ZSCAN1: variants seen among roughly 807,000 people sequenced by gnomAD.
The protein encoded by ZSCAN1 is zinc finger and SCAN domain containing 1.
Under a neutral mutation model 23.8 loss-of-function variants are expected in ZSCAN1, and 23 were observed. That is an observed-to-expected ratio of 0.97 (90% CI 0.70 to 1.37). The LOEUF (loss-of-function observed/expected upper bound fraction) is 1.37. Ranked by LOEUF, ZSCAN1 falls within the 40% of genes most tolerant of loss-of-function variation. The pLI, the probability that ZSCAN1 is intolerant of heterozygous loss-of-function variation, is 0.00. For missense variants in ZSCAN1, 575 were observed against 554.0 expected, an observed-to-expected ratio of 1.04 and a Z score of -0.38; for synonymous variants, 236 against 232.3, an observed-to-expected ratio of 1.02 and a Z score of -0.15.
rs555291976 is a variant in ZSCAN1 at position 58,051,490 on chromosome 19, G to A, written c.466-1000G>A. On this transcript the variant is annotated intron_variant, in intron 4 of 5. Coordinates refer to ENST00000282326, the MANE Select transcript of ZSCAN1 (RefSeq NM_182572.4). ...CCCTCCCTCCCTCCCTCCCTCCTCC[G>A]TCTCTAGCCCAGCAATCCCTCTACT... Among the ~76,000 whole-genome samples the A allele has an allele frequency of 6.8e-4, 77 of 113,682 alleles. 1 individual carries two copies. The highest frequency in any genetic ancestry group is 8.7e-4 in the Non-Finnish European group (50 of 57,744). The allele number at this position is 113,682 out of a possible 152,430, so 74.6% of individuals were successfully genotyped here. A position where few individuals can be genotyped will look rare whatever the true frequency, so the allele number is the denominator to read the frequency against.
Position 58,053,912 on chromosome 19 carries a change from C to T in ZSCAN1, c.1088C>T (p.Pro363Leu), listed in dbSNP as rs1236230030. 4 of 1,613,084 alleles carry T rather than the reference C, an allele frequency of 2.5e-6. No homozygotes were observed. The highest frequency in any genetic ancestry group is 3.4e-6 in the Non-Finnish European group (4 of 1,179,396). Residue 363 changes from proline (P) to leucine (L), a missense_variant, in exon 6 of 6, where the codon CCC (proline) becomes CTC (leucine). By Grantham distance (98) the Pro-to-Leu change is moderately conservative. Transcript: ENST00000282326. The surrounding 1 kb of genome is among the most constrained non-coding windows in gnomAD (Gnocchi z 5.8). ...AAGGGCCCCCGGGAGTCCGTCCCACCCAGGGATGGAGCCCAGGGCCCAGTG... is the reference window on the plus strand; with the variant it reads ...AAGGGCCCCCGGGAGTCCGTCCCACTCAGGGATGGAGCCCAGGGCCCAGTG... ...RSKGPRESVP[P>L]RDGAQGPVAP...
In ZSCAN1 at chr19:58,045,625, TC is replaced by T; in HGVS notation, c.465+5083del. ...CTTCCAGCTCACGATGCGGCTGCGC[TC>T]CATAAAGGCAGAGGACAAGCTGTTT... On this transcript the variant is annotated intron_variant, in intron 4 of 5. Coordinates refer to ENST00000282326, the MANE Select transcript of ZSCAN1 (RefSeq NM_182572.4). This position sits in a 1 kb window ranked among gnomAD's most constrained non-coding sequence, Gnocchi z 4.3. The T allele has an allele frequency of 1.0e-6, 1 of 958,238 alleles. No individual in the cohort carries two copies. Among genetic ancestry groups the T allele is most frequent in the Non-Finnish European group, 1.7e-6 (1 of 582,006 alleles). 59.4% of individuals were successfully genotyped at this position (958,238 alleles called of 1,614,324 possible). A position where few individuals can be genotyped will look rare whatever the true frequency, so the allele number is the denominator to read the frequency against.
chr19:58,047,926 C>G lies in ZSCAN1; in HGVS notation c.466-4564C>G, dbSNP rs1214810452. Among the ~76,000 whole-genome samples the G allele has an allele frequency of 2.6e-5, 4 of 152,226 alleles. No individual in the cohort carries two copies. The highest frequency in any genetic ancestry group is 9.6e-5 in the African/African-American group (4 of 41,460). On this transcript the variant is annotated intron_variant, in intron 4 of 5. Coordinates refer to ENST00000282326, the MANE Select transcript of ZSCAN1 (RefSeq NM_182572.4). The surrounding 1 kb of genome is among the most constrained non-coding windows in gnomAD (Gnocchi z 4.9). ...AGTGTCCTGTGGCCACCTCCACCCT[C>G]CTGCCCAGCCGGCTGTGTCACACTC...
Position 58,045,854 on chromosome 19 carries a change from C to T in ZSCAN1, c.465+5310C>T. The T allele has an allele frequency of 8.9e-7, 1 of 1,123,840 alleles. No homozygotes were observed. Among genetic ancestry groups the T allele is most frequent in the South Asian group, 1.2e-5 (1 of 81,040 alleles). The allele number at this position is 1,123,840 out of a possible 1,614,324, so 69.6% of individuals were successfully genotyped here. On this transcript the variant is annotated intron_variant, in intron 4 of 5. Coordinates refer to ENST00000282326, the MANE Select transcript of ZSCAN1 (RefSeq NM_182572.4). This position sits in a 1 kb window ranked among gnomAD's most constrained non-coding sequence, Gnocchi z 4.3. ...TAGCTCCCGGACACCCTCTTGCCAGCCGACCAGCTCAAGTCCACACTGCAG... is the reference window on the plus strand; with the variant it reads ...TAGCTCCCGGACACCCTCTTGCCAGTCGACCAGCTCAAGTCCACACTGCAG...
In ZSCAN1 at chr19:58,045,170, G is replaced by T. The variant is rs762278921; in HGVS notation, c.465+4626G>T. 499 of 1,053,358 alleles carry T rather than the reference G, an allele frequency of 4.7e-4. 1 individual carries two copies. The highest frequency in any genetic ancestry group is 5.9e-4 in the Non-Finnish European group (396 of 672,086). 65.3% of individuals were successfully genotyped at this position (1,053,358 alleles called of 1,614,324 possible). On this transcript the variant is annotated intron_variant, in intron 4 of 5. Transcript: ENST00000282326. The surrounding 1 kb of genome is among the most constrained non-coding windows in gnomAD (Gnocchi z 4.3). ...ACTGCCACACCCTGACCCGCCAGGC[G>T]CGCAGGCAGTTGCTCCGGTTCTGTG...
chr19:58,046,087 G>A, intron 4 of ZSCAN1: 1 of 684,022 alleles, frequency 1.5e-6, no homozygotes, highest in South Asian at 1.7e-5. Flanking sequence ...AAGGCCAGGG[G>A]CCCAGCCCCA....
chr19:58,053,417 C>G lies in ZSCAN1; in HGVS notation c.605-12C>G, dbSNP rs369743026. The G allele has an allele frequency of 6.3e-7, 1 of 1,599,648 alleles. No homozygotes were observed. The highest frequency in any genetic ancestry group is 1.1e-5 in the South Asian group (1 of 89,354). ...CTCACTACAGGTGACCCATCTCCCTCGCCCTCCACAGGGTCCCGGGCCCGC... is the reference window on the plus strand; with the variant it reads ...CTCACTACAGGTGACCCATCTCCCTGGCCCTCCACAGGGTCCCGGGCCCGC... On this transcript the variant is annotated splice_polypyrimidine_tract_variant and intron_variant, in intron 5 of 5. Transcript: ENST00000282326. This position sits in a 1 kb window ranked among gnomAD's most constrained non-coding sequence, Gnocchi z 5.8.
chr19:58,054,237 T>C lies in ZSCAN1; in HGVS notation c.*186T>C. On this transcript the variant is annotated 3_prime_UTR_variant, in exon 6 of 6. Transcript: ENST00000282326. The surrounding 1 kb of genome is among the most constrained non-coding windows in gnomAD (Gnocchi z 4.2). ...TCCGAAGCCAAGCACGGGATGGGGC[T>C]TCCCAGGGTCTCAGCTGAGAAGCAG... The C allele has an allele frequency of 2.8e-6, 2 of 714,462 alleles. No individual in the cohort carries two copies. The highest frequency in any genetic ancestry group is 4.1e-4 in the Middle Eastern group (1 of 2,464). 44.3% of individuals were successfully genotyped at this position (714,462 alleles called of 1,614,324 possible).
chr19:58,044,679 G>A (rs937687802), intron 4 of ZSCAN1: 3 of 799,730 alleles, frequency 3.8e-6, no homozygotes, highest in East Asian at 5.6e-5. Flanking sequence ...GGTAGTCCGG[G>A]GGATCCTGCT....
chr19:58,053,970 T>C lies in ZSCAN1; in HGVS notation c.1146T>C (p.Cys382=), dbSNP rs766362027. ...GCAGCCCCAAAAGACCCTTCCAGTG[T>C]AGCGTCTGCGGGAAGGCCTTCCCCT... ...APRSPKRPFQ[C]SVCGKAFPWM... is the part of the protein sequence containing the mutation. The change falls in exon 6 of 6, where the codon TGT becomes TGC. Residue 382 remains cysteine (C), a synonymous_variant. Transcript: ENST00000282326. This position sits in a 1 kb window ranked among gnomAD's most constrained non-coding sequence, Gnocchi z 5.8. 3.6e-5 allele frequency: 58 copies of C among 1,604,044 alleles called. 2 individuals are homozygous for C. In the South Asian group the frequency reaches 4.4e-4, roughly 12 times the overall value.
At chr19:58,043,198 G>C (rs1376789795) in intron 4 of ZSCAN1, among the ~76,000 whole-genome samples, 2 of 152,264 alleles carry the variant, frequency 1.3e-5, no homozygotes, top group African/African-American at 4.8e-5. Context: ...CACGACTGGC[G>C]ATCGCTGAGC....
In ZSCAN1 at chr19:58,038,130, G is replaced by T. The variant is rs2073753712; in HGVS notation, c.294G>T (p.Val98=). The part of the protein sequence containing the change: ...GALPSKMRTW[V]QSQGPRSCRE... ...TGCCCAGCAAGATGCGGACCTGGGTGCAGTCACAGGGCCCCCGAAGCTGCA... is the reference window on the plus strand; with the variant it reads ...TGCCCAGCAAGATGCGGACCTGGGTTCAGTCACAGGGCCCCCGAAGCTGCA... The change falls in exon 3 of 6, where the codon GTG becomes GTT. Residue 98 remains valine, a synonymous_variant. Coordinates refer to ENST00000282326, the MANE Select transcript of ZSCAN1 (RefSeq NM_182572.4). 6.2e-7 allele frequency: 1 copy of T among 1,610,004 alleles called. No homozygotes were observed. Among genetic ancestry groups the T allele is most frequent in the East Asian group, 2.2e-5 (1 of 44,838 alleles).
downstream of ZSCAN1, among the ~76,000 whole-genome samples, chr19:58,056,140 T>C (rs75847421): frequency 0.028 from 4,221 of 152,260 alleles, 178 homozygotes; most frequent in African/African-American, 0.095. Flanking sequence ...AAGCAAACTC[T>C]GCCTCCAGCC....
rs1357928786 is a variant in ZSCAN1 at position 58,052,628 on chromosome 19, G to C, written c.604G>C (p.Gly202Arg). ...AGCGCCCCGCGCCCCTGGCTTGCTG[G>C]GTGAGTCTGGCTCCTGTGTGGATTA... ...AEAPRAPGLL[G>R]SRARLPLKPS... The change falls in exon 5 of 6, where the codon GGG becomes CGG. Residue 202 changes from glycine (G) to arginine (R), a missense_variant and splice_region_variant. Gly to Arg is a moderately radical substitution (Grantham distance 125). Coordinates refer to ENST00000282326, the MANE Select transcript of ZSCAN1 (RefSeq NM_182572.4). The C allele has an allele frequency of 6.3e-7, 1 of 1,595,286 alleles. No homozygotes were observed. Among genetic ancestry groups the C allele is most frequent in the East Asian group, 2.2e-5 (1 of 44,630 alleles).
At position 58,040,503 on chromosome 19, in the gene ZSCAN1, G is replaced by A. The variant is rs1403528284; in HGVS notation, c.424G>A (p.Glu142Lys). Residue 142 changes from glutamate to lysine, a missense_variant, in exon 4 of 6, where the codon GAA (glutamate) becomes AAA (lysine). Glu to Lys is a moderately conservative substitution (Grantham distance 56, BLOSUM62 1). Transcript: ENST00000282326. The surrounding 1 kb of genome is among the most constrained non-coding windows in gnomAD (Gnocchi z 5.8). Reference protein sequence around the residue: ...EPQDWSFGEEEDGKSPRSQKE... With the variant: ...EPQDWSFGEEKDGKSPRSQKE... ...CCAGGACTGGAGTTTCGGTGAGGAG[G>A]AAGATGGGAAGAGTCCAAGGTCCCA... The A allele has an allele frequency of 6.2e-7, 1 of 1,613,606 alleles. No homozygotes were observed.
At chr19:58,044,504 C>G (rs779456828) in intron 4 of ZSCAN1, 2 of 420,006 alleles carry the variant, frequency 4.8e-6, no homozygotes, top group Non-Finnish European at 8.4e-6. Context: ...TGAGGAGCCA[C>G]CGAGACGGCG....
Position 58,054,377 on chromosome 19 carries a change from C to T in ZSCAN1, c.*326C>T, listed in dbSNP as rs1369427867. The T allele has an allele frequency of 1.2e-5, 3 of 247,038 alleles. No homozygotes were observed. The highest frequency in any genetic ancestry group is 2.3e-5 in the Non-Finnish European group (3 of 128,758). 15.3% of individuals were successfully genotyped at this position (247,038 alleles called of 1,614,324 possible). On this transcript the variant is annotated 3_prime_UTR_variant, in exon 6 of 6. Coordinates refer to ENST00000282326, the MANE Select transcript of ZSCAN1 (RefSeq NM_182572.4). This position sits in a 1 kb window ranked among gnomAD's most constrained non-coding sequence, Gnocchi z 4.2. ...AGCCTTGTCCAGGTCTCCCTGTTAG[C>T]ACCTGACTCAGCGGCAGCTTCTGCC... is the stretch of plus-strand genomic sequence containing the variant.
chr19:58,038,411 C>T, intron 3 of ZSCAN1: 4 of 671,596 alleles, frequency 6.0e-6, no homozygotes, highest in East Asian at 2.8e-5. Context: ...ATTTCTCACT[C>T]AGTCGGTGAT....
In ZSCAN1 at chr19:58,037,764, GCT is replaced by G; in HGVS notation, c.-70_-69del. 7.0e-7 allele frequency: 1 copy of G among 1,427,192 alleles called. No individual in the cohort carries two copies. The highest frequency in any genetic ancestry group is 1.5e-5 in the South Asian group (1 of 66,640). 88.4% of individuals were successfully genotyped at this position (1,427,192 alleles called of 1,614,324 possible). ...CTGATTCTGTCCGCCTGCCACACCGGCTCTGTCCGGAGCCACTGGGACTCGGG... is the reference window on the plus strand; with the variant it reads ...CTGATTCTGTCCGCCTGCCACACCGGCTGTCCGGAGCCACTGGGACTCGGG... On this transcript the variant is annotated 5_prime_UTR_variant, in exon 3 of 6. Coordinates refer to ENST00000282326, the MANE Select transcript of ZSCAN1 (RefSeq NM_182572.4).
Sources: allele counts gnomAD v4.1 joint callset (sites outside exome capture counted in the v4.1 genomes callset), GRCh38; gene constraint gnomAD v4.1.1; non-coding constraint Gnocchi (gnomAD v3.1); transcripts MANE v1.5; gene names NCBI Gene and HGNC (gene_info 2026-07-23, HGNC 2026-07-21).